MMP14: variants seen among roughly 807,000 people sequenced by gnomAD.
The protein encoded by MMP14 is matrix metallopeptidase 14.
In MMP14, 13 loss-of-function variants were observed where a neutral mutation model predicts 64.8. The observed-to-expected ratio is 0.20, with a 90% CI of 0.13 to 0.32. The LOEUF (loss-of-function observed/expected upper bound fraction) is 0.32, where lower values mean the gene tolerates loss of function less well. Among genes scored for constraint, MMP14 ranks in the 10% least tolerant of loss-of-function variants. The pLI, the probability that MMP14 is intolerant of heterozygous loss-of-function variation, is 1.00. For synonymous variants in MMP14, 322 were observed against 315.9 expected, an observed-to-expected ratio of 1.02 and a Z score of -0.20; for missense variants, 594 against 783.8, an observed-to-expected ratio of 0.76 and a Z score of 2.89.
chr14:22,840,410 T>C (rs1280911896), intron 1 of MMP14, among the ~76,000 whole-genome samples: 1 of 152,256 alleles, frequency 6.6e-6, no homozygotes, highest in Non-Finnish European at 1.5e-5. Flanking sequence ...TAAGGCAATA[T>C]GCCAGCCTTT....
At position 22,846,249 on chromosome 14, in the gene MMP14, G is replaced by C; in HGVS notation, c.*210G>C. Reference sequence around the variant, plus strand: ...TGCATCTTCCCTAGATAGGTCCCCTGAGGGCTGAGTGGGAGGGCGGCCCTT... The same window carrying C: ...TGCATCTTCCCTAGATAGGTCCCCTCAGGGCTGAGTGGGAGGGCGGCCCTT... On this transcript the variant is annotated 3_prime_UTR_variant, in exon 10 of 10. Coordinates refer to ENST00000311852, the MANE Select transcript of MMP14 (RefSeq NM_004995.4). 1.8e-6 allele frequency: 1 copy of C among 554,230 alleles called. No homozygotes were observed. The highest frequency in any genetic ancestry group is 3.1e-6 in the Non-Finnish European group (1 of 318,722). 34.3% of individuals were successfully genotyped at this position (554,230 alleles called of 1,614,324 possible).
chr14:22,845,609 A>G, intron 9 of MMP14, 99 bp from the exon 10 acceptor site: 1 of 1,238,898 alleles, frequency 8.1e-7, no homozygotes, highest in South Asian at 1.3e-5. Context: ...GGTGGAGGGA[A>G]GCTCAGCTGC....
Position 22,843,870 on chromosome 14 carries a change from G to A in MMP14, c.1011G>A (p.Lys337=). ...AMLRGEMFVF[K]ERWFWRVRNN... ...TCCGAGGGGAGATGTTTGTCTTCAA[G>A]GTGAGAAGAAGTGGGCTGGTTTGAA... Residue 337 remains lysine (K), a splice_region_variant and synonymous_variant, in exon 6 of 10, where the codon AAG becomes AAA. Transcript: ENST00000311852. The surrounding 1 kb of genome is among the most constrained non-coding windows in gnomAD (Gnocchi z 4.8). The A allele has an allele frequency of 1.2e-6, 2 of 1,610,558 alleles. No homozygotes were observed. The highest frequency in any genetic ancestry group is 1.7e-6 in the Non-Finnish European group (2 of 1,179,182).
rs1468613827 is a variant in MMP14, at chr14:22,843,950, C to T, written c.1011+80C>T. 6.5e-7 allele frequency: 1 copy of T among 1,547,434 alleles called. No homozygotes were observed. Among genetic ancestry groups the T allele is most frequent in the Non-Finnish European group, 8.7e-7 (1 of 1,145,990 alleles). On this transcript the variant is annotated intron_variant, in intron 6 of 9. Coordinates refer to ENST00000311852, the MANE Select transcript of MMP14 (RefSeq NM_004995.4). The surrounding 1 kb of genome is among the most constrained non-coding windows in gnomAD (Gnocchi z 4.8). ...GTGGCTCATGCCTGTAATCCTAGCA[C>T]TTTGAGAGGCCAAGGCAGGTGGATC...
intron 2 of MMP14, 100 bp downstream of exon 2, chr14:22,841,739 C>T (rs1292931354): frequency 1.9e-6 from 3 of 1,557,484 alleles, no homozygotes; most frequent in African/African-American, 1.3e-5. Context: ...CACCCCACTC[C>T]CCCATATCTC....
intron 1 of MMP14, chr14:22,837,333 C>A (rs1411911794): frequency 2.2e-6 from 1 of 460,576 alleles, no homozygotes; most frequent in Non-Finnish European, 4.3e-6. Context: ...TTTGTTGTTT[C>A]TTCGACTTCC....
At chr14:22,841,669 C>T (rs374528958) in intron 2 of MMP14, 30 bp downstream of exon 2, 8 of 1,612,520 alleles carry the variant, frequency 5.0e-6, no homozygotes, top group Non-Finnish European at 6.8e-6. Flanking sequence ...AGGAGTTCTG[C>T]CTAGCATCCA....
Position 22,844,701 on chromosome 14 carries a change from C to A in MMP14, c.1222C>A (p.Arg408=). The A allele has an allele frequency of 6.2e-7, 1 of 1,614,034 alleles. No individual in the cohort carries two copies. The highest frequency in any genetic ancestry group is 1.1e-5 in the South Asian group (1 of 91,066). The change falls in exon 8 of 10, where the codon CGA becomes AGA. Residue 408 remains arginine (R), a synonymous_variant. Coordinates refer to ENST00000311852, the MANE Select transcript of MMP14 (RefSeq NM_004995.4). ...CCCCAAGCACATTAAGGAGCTGGGC[C>A]GAGGGCTGCCTACCGACAAGATTGA... The part of the protein sequence containing the change: ...GYPKHIKELG[R]GLPTDKIDAA...
At chr14:22,840,918 A>G (rs561272978) in intron 1 of MMP14, among the ~76,000 whole-genome samples, 2 of 152,286 alleles carry the variant, frequency 1.3e-5, no homozygotes, top group East Asian at 3.9e-4. Flanking sequence ...ACCTCTTACC[A>G]CATTCCAAGT....
At chr14:22,844,577 A>G in intron 7 of MMP14, 53 bp from the exon 8 acceptor site, 1 of 1,613,478 alleles carries the variant, frequency 6.2e-7, no homozygotes, top group Non-Finnish European at 8.5e-7. Context: ...GATTTCCTCT[A>G]AAGTCCCTAG....
At chr14:22,844,085 T>C (rs1441701095) in intron 6 of MMP14, among the ~76,000 whole-genome samples, 1 of 151,806 alleles carries the variant, frequency 6.6e-6, no homozygotes, top group Non-Finnish European at 1.5e-5. Flanking sequence ...TGATCCCAGC[T>C]ACCTGGGAGG....
In MMP14 at chr14:22,843,734, A is replaced by G; in HGVS notation, c.875A>G (p.Lys292Arg). 1 of 1,592,770 alleles carries G rather than the reference A, an allele frequency of 6.3e-7. No individual in the cohort carries two copies. The highest frequency in any genetic ancestry group is 8.5e-7 in the Non-Finnish European group (1 of 1,174,502). ...GGGGGTGAGTCAGGGTTCCCCACCA[A>G]GATGCCCCCTCAACCCAGGACTACC... is the stretch of plus-strand genomic sequence containing the variant. ...LYGGESGFPT[K>R]MPPQPRTTSR... Residue 292 changes from lysine to arginine, a missense_variant, in exon 6 of 10, where the codon AAG becomes AGG. Lys to Arg is a conservative substitution (Grantham distance 26). This residue lies in a region of MMP14 where 364 missense variants were observed against 425.2 expected (regional missense o/e 0.86). Coordinates refer to ENST00000311852, the MANE Select transcript of MMP14 (RefSeq NM_004995.4). The surrounding 1 kb of genome is among the most constrained non-coding windows in gnomAD (Gnocchi z 4.8).
intron 1 of MMP14, among the ~76,000 whole-genome samples, chr14:22,838,897 G>A (rs543110905): frequency 1.3e-5 from 2 of 152,282 alleles, no homozygotes; most frequent in South Asian, 2.1e-4. Flanking sequence ...CAGGCCTTGC[G>A]GCTCTCTTGA....
chr14:22,841,838 C>A, intron 2 of MMP14, 75 bp from the exon 3 acceptor site: 1 of 1,602,528 alleles, frequency 6.2e-7, no homozygotes, highest in South Asian at 1.1e-5. Context: ...CAAGTCTTAC[C>A]CAACACTGAT....
In MMP14 at chr14:22,846,446, G is replaced by A. The variant is rs769596145; in HGVS notation, c.*407G>A. The A allele has an allele frequency of 1.7e-5, 3 of 181,246 alleles. No homozygotes were observed. The highest frequency in any genetic ancestry group is 5.7e-5 in the Admixed American group (1 of 17,604). The allele number at this position is 181,246 out of a possible 1,614,324, so 11.2% of individuals were successfully genotyped here. A position where few individuals can be genotyped will look rare whatever the true frequency, so the allele number is the denominator to read the frequency against. ...TGACATACCTTAACCTCTGAACTCT[G>A]ACCTCAGGAGGCTCTGGGCACTCCA... On this transcript the variant is annotated 3_prime_UTR_variant, in exon 10 of 10. Coordinates refer to ENST00000311852, the MANE Select transcript of MMP14 (RefSeq NM_004995.4).
chr14:22,842,447 A>T lies in MMP14; in HGVS notation c.418A>T (p.Thr140Ser), dbSNP rs1297447716. 1 of 1,613,878 alleles carries T rather than the reference A, an allele frequency of 6.2e-7. No individual in the cohort carries two copies. Among genetic ancestry groups the T allele is most frequent in the South Asian group, 1.1e-5 (1 of 91,072 alleles). ...NYTPKVGEYA[T>S]YEAIRKAFRV... is the part of the protein sequence containing the mutation. ...CACCCCCAAGGTGGGCGAGTATGCC[A>T]CATACGAGGCCATTCGCAAGGCGTT... Residue 140 changes from threonine to serine, a missense_variant, in exon 4 of 10, where the codon ACA (threonine) becomes TCA (serine). Physicochemically the swap from Thr to Ser is moderately conservative, Grantham distance 58. Around this residue, in one of 4 missense-constraint regions of MMP14, gnomAD observed 179 missense variants for 283.4 expected, o/e 0.63. Coordinates refer to ENST00000311852, the MANE Select transcript of MMP14 (RefSeq NM_004995.4). This position sits in a 1 kb window ranked among gnomAD's most constrained non-coding sequence, Gnocchi z 5.3.
In MMP14 at chr14:22,842,219, T is replaced by C. The variant is rs554585556; in HGVS notation, c.380+184T>C. The C allele has an allele frequency of 5.9e-6, 6 of 1,011,826 alleles. No individual in the cohort carries two copies. Among genetic ancestry groups the C allele is most frequent in the African/African-American group, 4.9e-5 (3 of 61,684 alleles). 62.7% of individuals were successfully genotyped at this position (1,011,826 alleles called of 1,614,324 possible). On this transcript the variant is annotated intron_variant, in intron 3 of 9. Coordinates refer to ENST00000311852, the MANE Select transcript of MMP14 (RefSeq NM_004995.4). The surrounding 1 kb of genome is among the most constrained non-coding windows in gnomAD (Gnocchi z 5.3). Reference sequence around the variant, plus strand: ...TGTAGCCATCAAGGGTGCACCCCAGTGCCAGAGAGCCAGAGCCTGAGGATC... The same window carrying C: ...TGTAGCCATCAAGGGTGCACCCCAGCGCCAGAGAGCCAGAGCCTGAGGATC...
Position 22,844,291 on chromosome 14 carries a change from A to AG in MMP14, c.1012-79dup, listed in dbSNP as rs1445336735. 4.5e-6 allele frequency: 7 copies of AG among 1,568,126 alleles called. No homozygotes were observed. In the Admixed American group the frequency reaches 1.3e-4, roughly 28 times the overall value. On this transcript the variant is annotated intron_variant, in intron 6 of 9. Transcript: ENST00000311852. ...AAACTAAAACTGAGGAACAAACAGCAGTGCGGGAGCTTTGGGGACTGAACC... is the reference window on the plus strand; with the variant it reads ...AAACTAAAACTGAGGAACAAACAGCAGGTGCGGGAGCTTTGGGGACTGAACC...
chr14:22,845,575 G>A, intron 9 of MMP14, 133 bp from the exon 10 acceptor site: 1 of 1,025,422 alleles, frequency 9.8e-7, no homozygotes. Flanking sequence ...CCATTTTACA[G>A]CTGAGGAAGC....
Sources: allele counts gnomAD v4.1 joint callset (sites outside exome capture counted in the v4.1 genomes callset), GRCh38; gene constraint gnomAD v4.1.1; regional missense constraint gnomAD v4.1.1; non-coding constraint Gnocchi (gnomAD v3.1); transcripts MANE v1.5; gene names NCBI Gene and HGNC (gene_info 2026-07-23, HGNC 2026-07-21).